Variants in TSPAN7 observed in about 807,000 individuals in gnomAD.
The protein encoded by TSPAN7 is tetraspanin 7.
Under a neutral mutation model 17.6 loss-of-function variants are expected in TSPAN7, and 1 was observed. The ratio of observed to expected loss-of-function variants is 0.06; its 90% CI spans 0.02 to 0.27. The LOEUF (loss-of-function observed/expected upper bound fraction) is 0.27, where lower values mean the gene tolerates loss of function less well. Ranked by LOEUF, TSPAN7 falls within the 10% of genes least tolerant of loss-of-function variation. The pLI is 1.00. For synonymous variants in TSPAN7, 78 were observed against 79.0 expected (o/e 0.99, Z 0.07); for missense variants, 112 against 201.7 (o/e 0.56, Z 2.69).
intron 1 of TSPAN7, among the ~76,000 whole-genome samples, chrX:38,624,653 A>T (rs1199010742): frequency 8.9e-6 from 1 of 112,549 alleles, no homozygotes; most frequent in Non-Finnish European, 1.9e-5. Context: ...TCAAGGCAGA[A>T]TTGTCTCGCC....
intron 1 of TSPAN7, among the ~76,000 whole-genome samples, chrX:38,653,395 CACAG>C (rs1381667434): frequency 1.8e-5 from 2 of 111,404 alleles, no homozygotes; most frequent in Admixed American, 1.9e-4. Flanking sequence ...AAGGCAATTC[CACAG>C]TTTCAGAGTG....
At chrX:38,570,723 T>C (rs751334373) in intron 1 of TSPAN7, 1 of 112,144 alleles carries the variant, frequency 8.9e-6, no homozygotes, top group South Asian at 3.7e-4. Flanking sequence ...GCTTCCAATC[T>C]GAGTTACCTC....
intron 1 of TSPAN7, among the ~76,000 whole-genome samples, chrX:38,568,054 A>G (rs1175502283): frequency 2.7e-5 from 3 of 111,675 alleles, no homozygotes; most frequent in Non-Finnish European, 5.7e-5. Context: ...TTATCCCTGT[A>G]CTTTCCCCAA....
At chrX:38,646,385 G>C (rs1037194353) in intron 1 of TSPAN7, 16 of 1,001,200 alleles carry the variant, frequency 1.6e-5, no homozygotes, top group Non-Finnish European at 1.9e-5. Flanking sequence ...TGTGAAGGTA[G>C]TGTTTGTTTT....
intron 1 of TSPAN7, among the ~76,000 whole-genome samples, chrX:38,584,449 T>C (rs1371618661): frequency 8.9e-6 from 1 of 111,883 alleles, no homozygotes; most frequent in Non-Finnish European, 1.9e-5. Flanking sequence ...CACATGATCC[T>C]TTATTTCTCT....
chrX:38,613,605 A>C (rs2069434279), intron 1 of TSPAN7, among the ~76,000 whole-genome samples: 1 of 111,729 alleles, frequency 9.0e-6, no homozygotes, highest in Non-Finnish European at 1.9e-5. Flanking sequence ...AGTCTCCTGC[A>C]GGAAGGGTAG....
chrX:38,659,001 TACACACACAC>T (rs71903430), intron 1 of TSPAN7, among the ~76,000 whole-genome samples: 1,638 of 96,176 alleles, frequency 0.017, 46 homozygotes, highest in African/African-American at 0.061. Flanking sequence ...TTATCTTCCA[TACACACACAC>T]ACACACACAC....
At chrX:38,607,917 GA>G (rs1323670864) in intron 1 of TSPAN7, among the ~76,000 whole-genome samples, 1 of 109,053 alleles carries the variant, frequency 9.2e-6, no homozygotes, top group Non-Finnish European at 1.9e-5. Context: ...TTAGAATTAA[GA>G]TTACCAAATG....
chrX:38,683,843 C>G (rs1341357214), intron 6 of TSPAN7, among the ~76,000 whole-genome samples: 1 of 113,129 alleles, frequency 8.8e-6, no homozygotes, highest in African/African-American at 3.2e-5. Context: ...AGACCTTTGG[C>G]TACATGTGTT....
intron 1 of TSPAN7, among the ~76,000 whole-genome samples, chrX:38,609,050 A>G (rs924674590): frequency 8.9e-6 from 1 of 112,080 alleles, no homozygotes; most frequent in African/African-American, 3.2e-5. Context: ...TCCGTGTTAG[A>G]GGATAAACAC....
At chrX:38,610,382 C>T (rs1366565784) in intron 1 of TSPAN7, among the ~76,000 whole-genome samples, 1 of 112,123 alleles carries the variant, frequency 8.9e-6, no homozygotes, top group Non-Finnish European at 1.9e-5. Flanking sequence ...TGTAAACATA[C>T]ACACTGTTAA....
intron 5 of TSPAN7, among the ~76,000 whole-genome samples, chrX:38,680,527 T>G (rs2069882287): frequency 1.0e-5 from 1 of 99,432 alleles, no homozygotes; most frequent in African/African-American, 3.7e-5. Flanking sequence ...TTCAAATAAA[T>G]ATACTTACAA....
At chrX:38,606,352 A>C (rs2069383154) in intron 1 of TSPAN7, among the ~76,000 whole-genome samples, 2 of 112,201 alleles carry the variant, frequency 1.8e-5, no homozygotes, top group Admixed American at 1.9e-4. Flanking sequence ...ACATTAATAT[A>C]TTTTATGTAA....
intron 1 of TSPAN7, among the ~76,000 whole-genome samples, chrX:38,591,880 C>T (rs890093450): frequency 3.6e-5 from 4 of 111,898 alleles, no homozygotes; most frequent in Non-Finnish European, 5.6e-5. Flanking sequence ...AATCTGTTAT[C>T]GCACTGCTAT....
At chrX:38,643,416 T>C (rs2069625715) in intron 1 of TSPAN7, among the ~76,000 whole-genome samples, 1 of 110,896 alleles carries the variant, frequency 9.0e-6, no homozygotes, top group Admixed American at 9.6e-5. Flanking sequence ...AGATTTAGCC[T>C]ATATTAAACT....
At chrX:38,562,909 C>T (rs1208039381) in intron 1 of TSPAN7, 3 of 828,269 alleles carry the variant, frequency 3.6e-6, no homozygotes, top group East Asian at 1.7e-4. Context: ...TGCTTGTTTT[C>T]TTCTTGCACC....
intron 6 of TSPAN7, among the ~76,000 whole-genome samples, chrX:38,683,257 G>T (rs898010628): frequency 1.8e-5 from 2 of 112,253 alleles, no homozygotes; most frequent in African/African-American, 6.5e-5. Flanking sequence ...TCCAAGTAAT[G>T]AACCTGATTA....
chrX:38,583,949 C>CTTTTTTTTTTTTTTTT (rs34777484), intron 1 of TSPAN7, among the ~76,000 whole-genome samples: 9 of 66,968 alleles, frequency 1.3e-4, no homozygotes, highest in Non-Finnish European at 2.2e-4. Context: ...TTTTTCTTTT[C>CTTTTTTTTTTTTTTTT]TTTTTTTTTT....
intron 2 of TSPAN7, among the ~76,000 whole-genome samples, chrX:38,666,597 C>CTTTT (rs145226240): frequency 1.1e-5 from 1 of 94,885 alleles, no homozygotes; most frequent in Non-Finnish European, 2.1e-5. Context: ...TGTTTCTTTT[C>CTTTT]TTTTTTTTTT....
Sources: gnomAD v4.1 joint callset for allele counts (sites outside exome capture counted in the v4.1 genomes callset) on GRCh38, gnomAD v4.1.1 for gene constraint, MANE v1.5 for transcripts, NCBI Gene and HGNC (gene_info 2026-07-23, HGNC 2026-07-21) for gene names.